The following BCL7B variants were observed in gnomAD, a reference collection of about 807,000 sequenced individuals.
The protein encoded by BCL7B is B-cell CLL/lymphoma 7 protein family member B.
In BCL7B, 11 loss-of-function variants were observed where a neutral mutation model predicts 26.5. The observed-to-expected ratio is 0.42, with a 90% confidence interval of 0.26 to 0.69. BCL7B has a LOEUF of 0.69. BCL7B is among the 30% of genes least tolerant of loss of function. The pLI, the probability that BCL7B is intolerant of heterozygous loss-of-function variation, is 0.28. For missense variants in BCL7B, 215 were observed against 264.4 expected, an observed-to-expected ratio of 0.81 and a Z score of 1.30; for synonymous variants, 111 against 107.9, an observed-to-expected ratio of 1.03 and a Z score of -0.18.
chr7:73,547,344 T>TC (rs1208539959), intron 2 of BCL7B, among the ~76,000 whole-genome samples: 6 of 152,118 alleles, frequency 3.9e-5, no homozygotes, highest in African/African-American at 1.4e-4. Context: ...GTGCCTGTAG[T>TC]CCCCGTTACT....
chr7:73,542,856 C>T (rs1791819486), intron 3 of BCL7B: 1 of 450,010 alleles, frequency 2.2e-6, no homozygotes, highest in African/African-American at 2.0e-5. Context: ...TGGGGGACTG[C>T]TTGAGGCCAG....
At chr7:73,557,249 G>T (rs1054394361) in intron 1 of BCL7B, 31 of 1,106,632 alleles carry the variant, frequency 2.8e-5, no homozygotes, top group East Asian at 5.0e-5. Context: ...CCTCCCAGGC[G>T]GCGCGCGGCA....
At chr7:73,540,151 C>G (rs1791701719) in intron 3 of BCL7B, 99 bp from the exon 4 acceptor site, 3 of 1,291,258 alleles carry the variant, frequency 2.3e-6, no homozygotes, top group Non-Finnish European at 3.2e-6. Context: ...TTTAGGCAGC[C>G]AAGGATACAA....
rs1050721546 is a variant in BCL7B at position 73,550,051 on chromosome 7, T to C, written c.168+2116A>G. 3.3e-5 allele frequency among the ~76,000 whole-genome samples: 5 copies of C among 152,144 alleles called. No homozygotes were observed. The South Asian group carries it at 1.0e-3, about 32-fold the overall frequency. The stretch of plus-strand genomic sequence containing the variant: ...TTTATATTTATTCATACACTGTACA[T>C]TTATGTTTTATATACTTCTCTGTAT... On this transcript the variant is annotated intron_variant, in intron 2 of 5. Coordinates refer to ENST00000223368, the MANE Select transcript of BCL7B (RefSeq NM_001707.4).
chr7:73,557,617 C>G lies in BCL7B; in HGVS notation c.-39G>C, dbSNP rs782688874. ...GCGGCGGGGGCCGGGGCACTGCTCC[C>G]AAGACACCGGGGATCGCGCGCCTCA... On this transcript the variant is annotated 5_prime_UTR_variant, in exon 1 of 6. Transcript: ENST00000223368. 5 of 1,159,406 alleles carry G rather than the reference C, an allele frequency of 4.3e-6. No homozygotes were observed. In the Admixed American group the frequency reaches 1.4e-4, roughly 32 times the overall value. 71.8% of individuals were successfully genotyped at this position (1,159,406 alleles called of 1,614,324 possible).
chr7:73,545,126 G>C (rs1389169368), intron 2 of BCL7B, among the ~76,000 whole-genome samples: 1 of 151,744 alleles, frequency 6.6e-6, no homozygotes, highest in African/African-American at 2.4e-5. Flanking sequence ...GTTTAAATCT[G>C]AGTAGCCTCA....
chr7:73,545,282 G>A (rs1438253172), intron 2 of BCL7B, among the ~76,000 whole-genome samples: 2 of 151,934 alleles, frequency 1.3e-5, no homozygotes, highest in Admixed American at 6.6e-5. Context: ...GCACAATCTC[G>A]GCTCACTGCA....
In BCL7B at chr7:73,536,941, G is replaced by GAA. The variant is rs1791552871; in HGVS notation, c.*356_*357insTT. The GAA allele has an allele frequency of 4.6e-6, 1 of 216,752 alleles. No individual in the cohort carries two copies. The highest frequency in any genetic ancestry group is 9.4e-6 in the Non-Finnish European group (1 of 105,940). 13.4% of individuals were successfully genotyped at this position (216,752 alleles called of 1,614,324 possible). ...ACCTGAGGCACGCTCTCTTCTAGAA[G>GAA]GTGCCTTCCACATCTCTCTCTTCTC... On this transcript the variant is annotated 3_prime_UTR_variant, in exon 6 of 6. Transcript: ENST00000223368.
intron 5 of BCL7B, 100 bp downstream of exon 5, chr7:73,537,834 T>A (rs1190931479): frequency 3.8e-6 from 3 of 794,664 alleles, no homozygotes; most frequent in African/African-American, 3.5e-5. Flanking sequence ...GAGGTTGTAG[T>A]GAGCCAGGAT....
At chr7:73,546,981 C>T (rs568194975) in intron 2 of BCL7B, among the ~76,000 whole-genome samples, 9 of 150,784 alleles carry the variant, frequency 6.0e-5, no homozygotes, top group East Asian at 2.0e-4. Flanking sequence ...CCTGACAACA[C>T]GGAGAAACCC....
chr7:73,554,671 A>C (rs1387339671), intron 1 of BCL7B, among the ~76,000 whole-genome samples: 3 of 151,750 alleles, frequency 2.0e-5, no homozygotes, highest in East Asian at 1.9e-4. Context: ...GGTGGCGCAC[A>C]CCTGTAGTCC....
intron 2 of BCL7B, among the ~76,000 whole-genome samples, chr7:73,544,923 G>A (rs1363726543): frequency 6.6e-6 from 1 of 152,008 alleles, no homozygotes; most frequent in East Asian, 1.9e-4. Flanking sequence ...GCCATGTATG[G>A]TGGCATAGGC....
At position 73,557,615 on chromosome 7, in the gene BCL7B, C is replaced by A. The variant is rs549330473; in HGVS notation, c.-37G>T. ...GAGCGGCGGGGGCCGGGGCACTGCT[C>A]CCAAGACACCGGGGATCGCGCGCCT... On this transcript the variant is annotated 5_prime_UTR_variant, in exon 1 of 6. Coordinates refer to ENST00000223368, the MANE Select transcript of BCL7B (RefSeq NM_001707.4). The A allele has an allele frequency of 2.6e-6, 3 of 1,163,088 alleles. No individual in the cohort carries two copies. Among genetic ancestry groups the A allele is most frequent in the Non-Finnish European group, 2.2e-6 (2 of 928,222 alleles). The allele number at this position is 1,163,088 out of a possible 1,614,324, so 72.0% of individuals were successfully genotyped here.
intron 2 of BCL7B, 103 bp from the exon 3 acceptor site, chr7:73,543,747 G>C: frequency 8.3e-6 from 7 of 845,524 alleles, no homozygotes; most frequent in Non-Finnish European, 5.6e-6. Flanking sequence ...GATTAGGACT[G>C]AACAGGAAAA....
chr7:73,549,913 G>C (rs1792094028), intron 2 of BCL7B, among the ~76,000 whole-genome samples: 1 of 152,204 alleles, frequency 6.6e-6, no homozygotes, highest in Non-Finnish European at 1.5e-5. Flanking sequence ...AAAAGTAGGA[G>C]AGTCATTACC....
intron 3 of BCL7B, among the ~76,000 whole-genome samples, chr7:73,540,757 A>G (rs1472551936): frequency 7.0e-6 from 1 of 143,128 alleles, no homozygotes; most frequent in Non-Finnish European, 1.5e-5. Context: ...ATGAACCTAG[A>G]AGGCAGAGCT....
chr7:73,544,268 A>G (rs1791877146), intron 2 of BCL7B, among the ~76,000 whole-genome samples: 1 of 152,094 alleles, frequency 6.6e-6, no homozygotes, highest in African/African-American at 2.4e-5. Flanking sequence ...TAAAAATACA[A>G]AAATCAGCCG....
chr7:73,552,483 A>G (rs1196295723), intron 1 of BCL7B, among the ~76,000 whole-genome samples: 3 of 148,030 alleles, frequency 2.0e-5, no homozygotes, highest in African/African-American at 7.5e-5. Context: ...CCTCATCTCT[A>G]AAAAAAAAAT....
chr7:73,557,189 C>A (rs1485683573), intron 1 of BCL7B: 12 of 1,032,242 alleles, frequency 1.2e-5, no homozygotes, highest in South Asian at 4.6e-5. Flanking sequence ...CTGGGCCGGG[C>A]GCGGGCACCG....
Sources: gnomAD v4.1 joint callset for allele counts (sites outside exome capture counted in the v4.1 genomes callset) on GRCh38, gnomAD v4.1.1 for gene constraint, MANE v1.5 for transcripts, NCBI Gene and HGNC (gene_info 2026-07-23, HGNC 2026-07-21) for gene names.